THSD4: variants seen among roughly 807,000 people sequenced by gnomAD.
THSD4 encodes thrombospondin type-1 domain-containing protein 4.
In THSD4, 69 loss-of-function variants were observed where a neutral mutation model predicts 119.0. That is an observed-to-expected ratio of 0.58 (90% confidence interval 0.48 to 0.71). The LOEUF is 0.71. Among genes scored for constraint, THSD4 ranks in the 30% least tolerant of loss-of-function variants. THSD4 has a pLI of 0.00. For synonymous variants in THSD4, 524 were observed against 540.4 expected (o/e 0.97, Z 0.42); for missense variants, 1,393 against 1,391.1 (o/e 1.00, Z -0.02).
chr15:71,133,802 C>T (rs1453213391), intron 1 of THSD4, among the ~76,000 whole-genome samples: 1 of 152,110 alleles, frequency 6.6e-6, no homozygotes, highest in African/African-American at 2.4e-5. Flanking sequence ...TCTTTAGTTA[C>T]CTGGGAAACG....
At chr15:71,472,023 C>T (rs2047587744) in intron 7 of THSD4, among the ~76,000 whole-genome samples, 2 of 152,134 alleles carry the variant, frequency 1.3e-5, no homozygotes, top group Admixed American at 1.3e-4. Flanking sequence ...CAAACAATCC[C>T]TCCACCTTAG....
chr15:71,709,536 G>A (rs533912411), intron 8 of THSD4, among the ~76,000 whole-genome samples: 32 of 152,294 alleles, frequency 2.1e-4, no homozygotes, highest in Admixed American at 5.2e-4. Context: ...AGATGACGTA[G>A]ATCAGCCGGA....
chr15:71,559,506 C>T lies in THSD4; in HGVS notation c.1153-101024C>T, dbSNP rs368165826. Among the ~76,000 whole-genome samples, 20 of 151,122 alleles carry T rather than the reference C, an allele frequency of 1.3e-4. No individual in the cohort carries two copies. The East Asian group carries it at 1.6e-3, about 12-fold the overall frequency. On this transcript the variant is annotated intron_variant, in intron 7 of 17. Coordinates refer to ENST00000261862, the MANE Select transcript of THSD4 (RefSeq NM_024817.3). The stretch of plus-strand genomic sequence containing the variant: ...GCAAAGGAAAGAGGAAAACAAATAC[C>T]TTTGCTCAATCTGCCATCTTGACCC...
chr15:71,565,535 AAGT>A, intron 7 of THSD4, among the ~76,000 whole-genome samples: 1 of 152,334 alleles, frequency 6.6e-6, no homozygotes. Flanking sequence ...AGTACATAAT[AAGT>A]TGCTAATTGC....
chr15:71,143,589 C>A (rs1167236082), intron 2 of THSD4, among the ~76,000 whole-genome samples: 1 of 151,634 alleles, frequency 6.6e-6, no homozygotes, highest in African/African-American at 2.4e-5. Context: ...TGAGGACCCT[C>A]AAAAATGTGG....
At chr15:71,629,929 T>C (rs1434332289) in intron 7 of THSD4, among the ~76,000 whole-genome samples, 2 of 152,196 alleles carry the variant, frequency 1.3e-5, no homozygotes, top group Non-Finnish European at 2.9e-5. Context: ...GAGGCGCCTT[T>C]GTACCCGCAA....
At chr15:71,580,971 CTTAAG>C (rs1567046541) in intron 7 of THSD4, among the ~76,000 whole-genome samples, 2 of 152,046 alleles carry the variant, frequency 1.3e-5, no homozygotes, top group African/African-American at 2.4e-5. Context: ...TCAATGGACA[CTTAAG>C]TTATTTCCAT....
At chr15:71,660,816 A>T in intron 8 of THSD4, 82 bp downstream of exon 8, 1 of 1,481,026 alleles carries the variant, frequency 6.8e-7, no homozygotes, top group Non-Finnish European at 9.3e-7. Context: ...TAGACACAGC[A>T]GTGTCCGAGA....
Position 71,649,433 on chromosome 15 carries a change from C to G in THSD4, c.1153-11097C>G, listed in dbSNP as rs527477246. ...GGGATTACAGGTGCCCACCAACATG[C>G]CTGGCTAATTTTTGTATTTTTTTAG... On this transcript the variant is annotated intron_variant, in intron 7 of 17. Transcript: ENST00000261862. Among the ~76,000 whole-genome samples the G allele has an allele frequency of 3.5e-4, 54 of 152,248 alleles. No individual in the cohort carries two copies. In the South Asian group the frequency reaches 9.5e-3, roughly 27 times the overall value.
chr15:71,758,027 C>A lies in THSD4; in HGVS notation c.2541C>A (p.Asn847Lys), dbSNP rs376671130. The A allele has an allele frequency of 6.2e-7, 1 of 1,610,970 alleles. No individual in the cohort carries two copies. Among genetic ancestry groups the A allele is most frequent in the Non-Finnish European group, 8.5e-7 (1 of 1,178,532 alleles). Reference sequence around the variant, plus strand: ...CGGCAGAGGCCACCCCATGTGACAACGGACCCTGCACGGGCAAGGTGGAGT... The same window carrying A: ...CGGCAGAGGCCACCCCATGTGACAAAGGACCCTGCACGGGCAAGGTGGAGT... ...NRPAEATPCD[N>K]GPCTGKVEWF... Residue 847 changes from asparagine to lysine, a missense_variant, in exon 15 of 18, where the codon AAC becomes AAA. Asn to Lys is a moderately conservative substitution (Grantham distance 94). Coordinates refer to ENST00000261862, the MANE Select transcript of THSD4 (RefSeq NM_024817.3).
In THSD4 at chr15:71,727,559, T is replaced by A. The variant is rs1261200259; in HGVS notation, c.1358-990T>A. On this transcript the variant is annotated intron_variant, in intron 8 of 17. Coordinates refer to ENST00000261862, the MANE Select transcript of THSD4 (RefSeq NM_024817.3). ...AAAAAAAAAAAAAAAAAAAAATATA[T>A]ATATATATATATATATATATATATA... is the stretch of plus-strand genomic sequence containing the variant. Among the ~76,000 whole-genome samples, 63 of 121,180 alleles carry A rather than the reference T, an allele frequency of 5.2e-4. 1 individual carries two copies. Among genetic ancestry groups the A allele is most frequent in the African/African-American group, 2.4e-3 (58 of 24,546 alleles). 79.5% of individuals were successfully genotyped at this position (121,180 alleles called of 152,430 possible).
intron 7 of THSD4, among the ~76,000 whole-genome samples, chr15:71,644,899 C>A (rs1480821646): frequency 6.8e-6 from 1 of 146,644 alleles, no homozygotes; most frequent in Non-Finnish European, 1.5e-5. Flanking sequence ...TTCATGGAAT[C>A]CTTAGGCGGC....
chr15:71,672,587 C>T (rs1041297984), intron 8 of THSD4, among the ~76,000 whole-genome samples: 1 of 152,148 alleles, frequency 6.6e-6, no homozygotes, highest in African/African-American at 2.4e-5. Flanking sequence ...GAAATGCTTC[C>T]AGTTTTTGCC....
At chr15:71,550,588 C>T (rs1223079130) in intron 7 of THSD4, among the ~76,000 whole-genome samples, 3 of 152,096 alleles carry the variant, frequency 2.0e-5, no homozygotes, top group Non-Finnish European at 2.9e-5. Flanking sequence ...AGGTGCCTGC[C>T]GCCACGCCCG....
At chr15:71,594,334 C>T (rs1250374981) in intron 7 of THSD4, among the ~76,000 whole-genome samples, 1 of 152,000 alleles carries the variant, frequency 6.6e-6, no homozygotes, top group African/African-American at 2.4e-5. Flanking sequence ...TCAGCTTCCC[C>T]AGTAGCTGAG....
chr15:71,305,109 A>G (rs973231436), intron 6 of THSD4, among the ~76,000 whole-genome samples: 18 of 152,236 alleles, frequency 1.2e-4, no homozygotes, highest in Non-Finnish European at 1.5e-4. Flanking sequence ...CTAACGAGGT[A>G]GGAGATGTTT....
At chr15:71,367,231 T>A (rs28697994) in intron 6 of THSD4, among the ~76,000 whole-genome samples, 9 of 79,730 alleles carry the variant, frequency 1.1e-4, no homozygotes, top group South Asian at 3.7e-4. Flanking sequence ...TTTTTTTTTA[T>A]TTTAAAAAAA....
In THSD4 at chr15:71,215,317, G is replaced by A; in HGVS notation, c.382G>A (p.Asp128Asn). ...CGAGACGCCAGCGCTGGCCGGTACG[G>A]ACGCCAGCCGCCAGGGCCCCACGGT... ...RDETPALAGT[D>N]ASRQGPTVLR... Residue 128 changes from aspartate to asparagine, a missense_variant, in exon 4 of 18, where the codon GAC becomes AAC. Coordinates refer to ENST00000261862, the MANE Select transcript of THSD4 (RefSeq NM_024817.3). 6.5e-7 allele frequency: 1 copy of A among 1,529,686 alleles called. No homozygotes were observed. The highest frequency in any genetic ancestry group is 8.7e-7 in the Non-Finnish European group (1 of 1,144,480). 94.8% of individuals were successfully genotyped at this position (1,529,686 alleles called of 1,614,324 possible).
intron 4 of THSD4, among the ~76,000 whole-genome samples, chr15:71,228,804 G>C (rs1057195331): frequency 6.6e-6 from 1 of 152,152 alleles, no homozygotes; most frequent in African/African-American, 2.4e-5. Flanking sequence ...CCCCATTTAT[G>C]GTTTAGCTTC....
Sources: gnomAD v4.1 joint callset for allele counts (sites outside exome capture counted in the v4.1 genomes callset) on GRCh38, gnomAD v4.1.1 for gene constraint, MANE v1.5 for transcripts, NCBI Gene and HGNC (gene_info 2026-07-23, HGNC 2026-07-21) for gene names.